The following SUZ12 variants were observed in gnomAD, a reference collection of about 807,000 sequenced individuals.
SUZ12 encodes SUZ12 polycomb repressive complex 2 subunit.
Under a neutral mutation model 87.3 loss-of-function variants are expected in SUZ12, and 17 were observed. The observed-to-expected ratio is 0.19, with a 90% CI of 0.13 to 0.29. The LOEUF (loss-of-function observed/expected upper bound fraction) is 0.29. SUZ12 is among the 10% of genes least tolerant of loss of function. The probability of loss-of-function intolerance (pLI) is 1.00; values close to 1 mark genes in which losing one functional copy is unlikely to be tolerated. For missense variants in SUZ12, 526 were observed against 912.2 expected, an observed-to-expected ratio of 0.58 and a Z score of 5.45; for synonymous variants, 253 against 312.4, an observed-to-expected ratio of 0.81 and a Z score of 2.01.
intron 6 of SUZ12, among the ~76,000 whole-genome samples, chr17:31,975,139 T>G (rs1326054231): frequency 6.6e-6 from 1 of 152,202 alleles, no homozygotes; most frequent in African/African-American, 2.4e-5. Flanking sequence ...GCATGGTTTT[T>G]TTGTTGTTGC....
Position 31,975,582 on chromosome 17 carries a change from C to G in SUZ12, c.692C>G (p.Ala231Gly), listed in dbSNP as rs767107702. Residue 231 changes from alanine (A) to glycine (G), a missense_variant, in exon 7 of 16, where the codon GCA (alanine) becomes GGA (glycine). Transcript: ENST00000322652. ...QTKPGNFPSL[A>G]VSSNEFEPSN... The stretch of plus-strand genomic sequence containing the variant: ...AAACCCGGAAATTTCCCGTCCCTTG[C>G]AGTTTCCAGTAATGAATTTGAACCT... 25 of 1,613,818 alleles carry G rather than the reference C, an allele frequency of 1.5e-5. No homozygotes were observed. The South Asian group carries it at 2.4e-4, about 16-fold the overall frequency.
chr17:31,958,188 C>T (rs1907478493), intron 4 of SUZ12, among the ~76,000 whole-genome samples: 1 of 152,018 alleles, frequency 6.6e-6, no homozygotes, highest in African/African-American at 2.4e-5. Context: ...AGGCGTGAGC[C>T]ACCGCGCCCA....
intron 5 of SUZ12, chr17:31,967,575 A>T (rs1908171975): frequency 6.6e-6 from 1 of 151,330 alleles, no homozygotes; most frequent in Non-Finnish European, 1.5e-5. Flanking sequence ...GACTCTGTCT[A>T]AAAAAAAAGA....
chr17:31,939,431 C>T (rs946462760), intron 1 of SUZ12, among the ~76,000 whole-genome samples: 10 of 150,980 alleles, frequency 6.6e-5, no homozygotes, highest in African/African-American at 2.4e-4. Context: ...GACTGACTTT[C>T]ATCATACCTG....
intron 5 of SUZ12, among the ~76,000 whole-genome samples, chr17:31,971,837 C>T (rs539018452): frequency 3.9e-5 from 6 of 152,088 alleles, no homozygotes; most frequent in South Asian, 4.1e-4. Flanking sequence ...ATCTTCAAGC[C>T]GGCCCAGTTG....
Position 31,965,156 on chromosome 17 carries a change from AT to A in SUZ12, c.456-990del, listed in dbSNP as rs907165985. On this transcript the variant is annotated intron_variant, in intron 4 of 15. Coordinates refer to ENST00000322652, the MANE Select transcript of SUZ12 (RefSeq NM_015355.4). ...ATTGTCACCATCATTTAAAAAAAAA[AT>A]ATATATATATGCCCTTTACTAGTCC... 5.6e-4 allele frequency among the ~76,000 whole-genome samples: 83 copies of A among 147,890 alleles called. 1 individual carries two copies. Among genetic ancestry groups the A allele is most frequent in the African/African-American group, 1.9e-3 (73 of 38,170 alleles).
chr17:31,982,599 T>TGGTGAGCGGAGATTGC (rs1265647387), intron 8 of SUZ12, among the ~76,000 whole-genome samples: 5 of 152,234 alleles, frequency 3.3e-5, no homozygotes, highest in Admixed American at 6.5e-5. Context: ...GCAGAGATTG[T>TGGTGAGCGGAGATTGC]GGTGAGCGGA....
At chr17:31,952,297 T>G (rs1478594881) in intron 4 of SUZ12, among the ~76,000 whole-genome samples, 5 of 152,202 alleles carry the variant, frequency 3.3e-5, no homozygotes, top group African/African-American at 4.8e-5. Context: ...TGGCCTCAAG[T>G]GATCCTTTCA....
At chr17:31,943,087 C>A (rs1391598796) in intron 3 of SUZ12, among the ~76,000 whole-genome samples, 1 of 152,178 alleles carries the variant, frequency 6.6e-6, no homozygotes, top group Non-Finnish European at 1.5e-5. Context: ...GGCAATCTTT[C>A]TGAATAGAGA....
intron 9 of SUZ12, among the ~76,000 whole-genome samples, chr17:31,984,002 T>G (rs1172351387): frequency 6.6e-6 from 1 of 152,212 alleles, no homozygotes; most frequent in Non-Finnish European, 1.5e-5. Flanking sequence ...CAAAATCTCA[T>G]AAGGATTTTT....
chr17:31,943,914 T>G lies in SUZ12; in HGVS notation c.386+3428T>G, dbSNP rs1047248740. 2.0e-5 allele frequency among the ~76,000 whole-genome samples: 3 copies of G among 152,100 alleles called. No individual in the cohort carries two copies. In the East Asian group the frequency reaches 5.8e-4, roughly 29 times the overall value. On this transcript the variant is annotated intron_variant, in intron 3 of 15. Coordinates refer to ENST00000322652, the MANE Select transcript of SUZ12 (RefSeq NM_015355.4). ...GGTTTCACCATGTTGGTCAGGCTGGTCTCAAACTCCTGACCTCATGATCCG... is the reference window on the plus strand; with the variant it reads ...GGTTTCACCATGTTGGTCAGGCTGGGCTCAAACTCCTGACCTCATGATCCG...
At chr17:31,972,188 G>A (rs555923022) in intron 5 of SUZ12, among the ~76,000 whole-genome samples, 5 of 152,014 alleles carry the variant, frequency 3.3e-5, no homozygotes, top group Admixed American at 3.3e-4. Flanking sequence ...GGGAAGCTGA[G>A]GTGGGAGGAT....
intron 4 of SUZ12, among the ~76,000 whole-genome samples, chr17:31,964,440 C>T (rs1375709860): frequency 6.9e-6 from 1 of 145,626 alleles, no homozygotes; most frequent in Non-Finnish European, 1.5e-5. Flanking sequence ...TGAGTCTCCC[C>T]CTGTCACCCA....
chr17:31,981,271 C>T (rs937573846), intron 8 of SUZ12, among the ~76,000 whole-genome samples: 6 of 152,164 alleles, frequency 3.9e-5, no homozygotes, highest in African/African-American at 1.4e-4. Context: ...AGACCACTGC[C>T]CAATAGAAGA....
Position 32,000,632 on chromosome 17 carries a change from TA to T in SUZ12, c.*1646del, listed in dbSNP as rs769296762. 30,148 of 195,440 alleles carry T rather than the reference TA, an allele frequency of 0.15. 474 individuals carry two copies. The highest frequency in any genetic ancestry group is 0.23 in the East Asian group (3,148 of 13,462). The allele number at this position is 195,440 out of a possible 1,614,324, so 12.1% of individuals were successfully genotyped here. Reference sequence around the variant, plus strand: ...AATTTGCTAAAGCTGTGCACATATGTAAAAAAAAAAAAAAAAAGATTATTTT... The same window carrying T: ...AATTTGCTAAAGCTGTGCACATATGTAAAAAAAAAAAAAAAAGATTATTTT... On this transcript the variant is annotated 3_prime_UTR_variant, in exon 16 of 16. Coordinates refer to ENST00000322652, the MANE Select transcript of SUZ12 (RefSeq NM_015355.4).
chr17:31,954,596 A>G (rs1156316741), intron 4 of SUZ12, among the ~76,000 whole-genome samples: 1 of 152,102 alleles, frequency 6.6e-6, no homozygotes, highest in South Asian at 2.1e-4. Context: ...GGGGAGAAAG[A>G]CATAATCATT....
intron 4 of SUZ12, among the ~76,000 whole-genome samples, chr17:31,957,216 G>C (rs1907398169): frequency 6.6e-6 from 1 of 151,870 alleles, no homozygotes; most frequent in East Asian, 1.9e-4. Context: ...TTGATTAGCT[G>C]GGACTACCTG....
At chr17:31,953,929 G>T (rs1268234491) in intron 4 of SUZ12, among the ~76,000 whole-genome samples, 3 of 151,444 alleles carry the variant, frequency 2.0e-5, no homozygotes, top group Non-Finnish European at 2.9e-5. Flanking sequence ...GGCCAGGATG[G>T]TCTTGATCTC....
rs199674015 is a variant in SUZ12, at chr17:31,947,682, A to G, written c.452A>G (p.His151Arg). ...VEKMKGEQESHSLSAHLQLTF... is the reference protein window; with the variant it reads ...VEKMKGEQESRSLSAHLQLTF... ...AAAATGAAAGGAGAGCAAGAATCTC[A>G]TAGGTAAGATAATCTATCAGTTTAC... The change falls in exon 4 of 16, where the codon CAT becomes CGT. Residue 151 changes from histidine (H) to arginine (R), a missense_variant. Transcript: ENST00000322652. 4.7e-5 allele frequency: 75 copies of G among 1,587,138 alleles called. No individual in the cohort carries two copies. Among genetic ancestry groups the G allele is most frequent in the Non-Finnish European group, 6.5e-5 (75 of 1,157,954 alleles).
Sources: gnomAD v4.1 joint callset for allele counts (sites outside exome capture counted in the v4.1 genomes callset) on GRCh38, gnomAD v4.1.1 for gene constraint, MANE v1.5 for transcripts, NCBI Gene and HGNC (gene_info 2026-07-23, HGNC 2026-07-21) for gene names.